KCNQ4: variants seen among roughly 807,000 people sequenced by gnomAD.
KCNQ4 encodes the protein potassium voltage-gated channel subfamily Q member 4, also known as potassium voltage-gated channel subfamily KQT member 4.
In KCNQ4, 31 loss-of-function variants were observed where a neutral mutation model predicts 72.6. The observed-to-expected ratio is 0.43, with a 90% CI of 0.32 to 0.58. The LOEUF (loss-of-function observed/expected upper bound fraction) is 0.58, where lower values mean the gene tolerates loss of function less well. Among genes scored for constraint, KCNQ4 ranks in the 20% least tolerant of loss-of-function variants. The pLI is 0.08. For missense variants in KCNQ4, 869 were observed against 962.6 expected (o/e 0.90, Z 1.29); for synonymous variants, 405 against 403.7 (o/e 1.00, Z -0.04).
At chr1:40,826,088 A>G (rs1027858105) in intron 9 of KCNQ4, among the ~76,000 whole-genome samples, 1 of 152,174 alleles carries the variant, frequency 6.6e-6, no homozygotes, top group Non-Finnish European at 1.5e-5. Context: ...CAATGGCCGT[A>G]TCGTTAATCG....
chr1:40,824,644 C>T (rs549793653), intron 9 of KCNQ4, among the ~76,000 whole-genome samples: 114 of 152,304 alleles, frequency 7.5e-4, no homozygotes, highest in Admixed American at 1.6e-3. Flanking sequence ...CAGGTGCTTA[C>T]GGCTCAGGTA....
rs1236061311 is a variant in KCNQ4, at chr1:40,834,830, G to A, written c.1614-137G>A. On this transcript the variant is annotated intron_variant, in intron 11 of 13. Coordinates refer to ENST00000347132, the MANE Select transcript of KCNQ4 (RefSeq NM_004700.4). ...TTGGAGGTAGGGGAGGCTGGGAGACGCAGCAGAGGCTGTTCATGGTGGCCA... is the reference window on the plus strand; with the variant it reads ...TTGGAGGTAGGGGAGGCTGGGAGACACAGCAGAGGCTGTTCATGGTGGCCA... 7.9e-6 allele frequency: 9 copies of A among 1,141,596 alleles called. No individual in the cohort carries two copies. In the East Asian group the frequency reaches 8.1e-5, roughly 10 times the overall value. 70.7% of individuals were successfully genotyped at this position (1,141,596 alleles called of 1,614,324 possible).
In KCNQ4 at chr1:40,819,368, A is replaced by C; in HGVS notation, c.730A>C (p.Ile244Leu). ...GCAGGAGCTGATCACCGCCTGGTAC[A>C]TCGGGTTCCTGGTGCTCATCTTCGC... The part of the protein sequence containing the change: ...HSKELITAWY[I>L]GFLVLIFASF... The change falls in exon 5 of 14, where the codon ATC becomes CTC. Residue 244 changes from isoleucine (I) to leucine (L), a missense_variant. Ile to Leu is a conservative substitution (Grantham distance 5). Coordinates refer to ENST00000347132, the MANE Select transcript of KCNQ4 (RefSeq NM_004700.4). 2 of 1,613,762 alleles carry C rather than the reference A, an allele frequency of 1.2e-6. No individual in the cohort carries two copies. The highest frequency in any genetic ancestry group is 1.1e-5 in the South Asian group (1 of 91,084).
At chr1:40,793,142 A>G (rs1419218831) in intron 1 of KCNQ4, among the ~76,000 whole-genome samples, 1 of 150,136 alleles carries the variant, frequency 6.7e-6, no homozygotes, top group Non-Finnish European at 1.5e-5. Flanking sequence ...AGCTGGGACT[A>G]CAGGCGCACA....
intron 7 of KCNQ4, among the ~76,000 whole-genome samples, chr1:40,821,522 C>T (rs1405196496): frequency 1.3e-5 from 2 of 152,214 alleles, no homozygotes; most frequent in Non-Finnish European, 2.9e-5. Flanking sequence ...TGACTTTCAT[C>T]CCTCCTGCTG....
rs568378556 is a variant in KCNQ4 at position 40,838,513 on chromosome 1, A to G, written c.2078A>G (p.Asn693Ser). 1.2e-6 allele frequency: 2 copies of G among 1,614,000 alleles called. No homozygotes were observed. Among genetic ancestry groups the G allele is most frequent in the South Asian group, 2.2e-5 (2 of 91,084 alleles). Residue 693 changes from asparagine (N) to serine (S), a missense_variant, in exon 14 of 14, where the codon AAC (asparagine) becomes AGC (serine). By Grantham distance (46) the Asn-to-Ser change is conservative. This residue lies in a region of KCNQ4 where 480 missense variants were observed against 501.9 expected (regional missense o/e 0.96). Transcript: ENST00000347132. ...AGCATCTCCCGCTCGGTCAGCACCA[A>G]CATGGACTGAGGGACTTCTCAGAGG... ...TLSISRSVST[N>S]MD
Position 40,824,129 on chromosome 1 carries a change from G to T in KCNQ4, c.1163G>T (p.Arg388Leu), listed in dbSNP as rs976622606. 6.4e-7 allele frequency: 1 copy of T among 1,560,770 alleles called. No individual in the cohort carries two copies. The highest frequency in any genetic ancestry group is 8.7e-7 in the Non-Finnish European group (1 of 1,152,990). ...ELALLFEHVQ[R>L]ARNGGLRPLE... ...GCCCTCTTGTTTGAGCACGTGCAAC[G>T]GGCCCGCAATGGGGGCCTACGGCCC... The change falls in exon 9 of 14, where the codon CGG (arginine) becomes CTG (leucine). Residue 388 changes from arginine (R) to leucine (L), a missense_variant. Arg to Leu is a moderately radical substitution (Grantham distance 102). Around this residue, in one of 5 missense-constraint regions of KCNQ4, gnomAD observed 480 missense variants for 501.9 expected, o/e 0.96. Transcript: ENST00000347132.
rs946897854 is a variant in KCNQ4 at position 40,826,423 on chromosome 1, A to G, written c.1292+2165A>G. 5.9e-5 allele frequency among the ~76,000 whole-genome samples: 9 copies of G among 152,356 alleles called. No homozygotes were observed. The East Asian group carries it at 1.7e-3, about 29-fold the overall frequency. On this transcript the variant is annotated intron_variant, in intron 9 of 13. Transcript: ENST00000347132. ...GGATCAGAATCTCTGGAGAAGAGAC[A>G]CAGCCTTCTGCATATGTAACATGGT...
In KCNQ4 at chr1:40,803,218, A is replaced by G. The variant is rs540406190; in HGVS notation, c.315-14047A>G. ...GGACTGGCAGCTTCAGGAGCCGTCC[A>G]CGGCCTTGCTTCCCATTAGGGAAGC... On this transcript the variant is annotated intron_variant, in intron 1 of 13. Transcript: ENST00000347132. 2.0e-5 allele frequency among the ~76,000 whole-genome samples: 3 copies of G among 152,334 alleles called. No individual in the cohort carries two copies. In the South Asian group the frequency reaches 6.2e-4, roughly 32 times the overall value.
intron 10 of KCNQ4, 90 bp downstream of exon 10, chr1:40,831,394 C>T (rs1238966149): frequency 1.1e-5 from 12 of 1,076,768 alleles, no homozygotes; most frequent in South Asian, 2.8e-5. Context: ...AGATCTGGCT[C>T]GCGTCTCAGC....
At chr1:40,818,038 C>T (rs1648151491) in intron 2 of KCNQ4, 126 bp from the exon 3 acceptor site, 10 of 1,295,416 alleles carry the variant, frequency 7.7e-6, no homozygotes, top group Admixed American at 3.5e-5. Context: ...GTCCAGGAAA[C>T]TCCAGGAGAG....
chr1:40,822,323 C>T lies in KCNQ4; in HGVS notation c.1051C>T (p.Arg351Cys), dbSNP rs1167593525. The change falls in exon 8 of 14, where the codon CGC becomes TGC. Residue 351 changes from arginine (R) to cysteine (C), a missense_variant. Arg to Cys is a radical substitution (Grantham distance 180). Around this residue, in one of 5 missense-constraint regions of KCNQ4, gnomAD observed 480 missense variants for 501.9 expected, o/e 0.96. Coordinates refer to ENST00000347132, the MANE Select transcript of KCNQ4 (RefSeq NM_004700.4). The part of the protein sequence containing the change: ...PAANLIQAAW[R>C]LYSTDMSRAY... ...TCCCCCATACCACCAGGCTGCCTGG[C>T]GCCTGTACTCCACCGATATGAGCCG... 1.9e-6 allele frequency: 3 copies of T among 1,613,056 alleles called. No individual in the cohort carries two copies. Among genetic ancestry groups the T allele is most frequent in the South Asian group, 1.1e-5 (1 of 91,044 alleles).
At chr1:40,822,083 C>T (rs1251937643) in intron 7 of KCNQ4, among the ~76,000 whole-genome samples, 2 of 152,204 alleles carry the variant, frequency 1.3e-5, no homozygotes, top group Non-Finnish European at 2.9e-5. Context: ...AACCTCTATG[C>T]TCTATGGCCC....
chr1:40,819,223 G>A (rs1648202565), intron 4 of KCNQ4, 124 bp from the exon 5 acceptor site: 36 of 1,218,594 alleles, frequency 3.0e-5, no homozygotes, highest in Non-Finnish European at 3.6e-5. Flanking sequence ...GAGGAGCTGA[G>A]AAAGAAAAGC....
chr1:40,836,126 T>A (rs1648799739), intron 12 of KCNQ4, among the ~76,000 whole-genome samples: 1 of 152,170 alleles, frequency 6.6e-6, no homozygotes, highest in Non-Finnish European at 1.5e-5. Flanking sequence ...TGGACACAGG[T>A]AGACCAATGA....
intron 4 of KCNQ4, chr1:40,818,887 C>T: frequency 4.8e-6 from 3 of 627,974 alleles, no homozygotes; most frequent in South Asian, 3.9e-5. Context: ...CCTAGGAGTC[C>T]GGACCGGATC....
chr1:40,826,697 A>G, intron 9 of KCNQ4: 1 of 455,322 alleles, frequency 2.2e-6, no homozygotes, highest in South Asian at 1.6e-5. Flanking sequence ...AGACCGAGGT[A>G]CCCCCTCGCC....
At chr1:40,821,551 C>A (rs1211737207) in intron 7 of KCNQ4, among the ~76,000 whole-genome samples, 1 of 152,176 alleles carries the variant, frequency 6.6e-6, no homozygotes, top group Non-Finnish European at 1.5e-5. Context: ...GCTCGGCAAG[C>A]CCATGGATGC....
chr1:40,838,247 C>G, intron 13 of KCNQ4, 64 bp from the exon 14 acceptor site: 1 of 1,447,348 alleles, frequency 6.9e-7, no homozygotes, highest in Non-Finnish European at 9.6e-7. Context: ...GAGACCCAAG[C>G]CCCGCCCCCG....
Sources: allele counts gnomAD v4.1 joint callset (sites outside exome capture counted in the v4.1 genomes callset), GRCh38; gene constraint gnomAD v4.1.1; regional missense constraint gnomAD v4.1.1; transcripts MANE v1.5; gene names NCBI Gene and HGNC (gene_info 2026-07-23, HGNC 2026-07-21).